The following LRCH2 variants were observed in gnomAD, a reference collection of about 807,000 sequenced individuals.
LRCH2 encodes the protein leucine rich repeats and calponin homology domain containing 2, also known as leucine-rich repeat and calponin homology domain-containing protein 2.
In LRCH2, 38 loss-of-function variants were observed where a neutral mutation model predicts 68.9. That is an observed-to-expected ratio of 0.55 (90% CI 0.43 to 0.72). The LOEUF (loss-of-function observed/expected upper bound fraction) is 0.72, where lower values mean the gene tolerates loss of function less well. Among genes scored for constraint, LRCH2 ranks in the 30% least tolerant of loss-of-function variants. The pLI is 0.00. For missense variants in LRCH2, 528 were observed against 572.9 expected (o/e 0.92, Z 0.80); for synonymous variants, 191 against 208.1 (o/e 0.92, Z 0.71).
intron 1 of LRCH2, among the ~76,000 whole-genome samples, chrX:115,188,615 G>C (rs1396690262): frequency 2.7e-5 from 3 of 111,981 alleles, no homozygotes; most frequent in Non-Finnish European, 5.6e-5. Flanking sequence ...CAGATCTTTT[G>C]AGCTCAGGAG....
At chrX:115,127,571 C>G (rs2072210108) in intron 15 of LRCH2, among the ~76,000 whole-genome samples, 1 of 110,915 alleles carries the variant, frequency 9.0e-6, no homozygotes, top group Non-Finnish European at 1.9e-5. Context: ...TTAATGTATA[C>G]AGGTAATACA....
chrX:115,192,421 T>G (rs2072848820), intron 1 of LRCH2: 1 of 1,165,088 alleles, frequency 8.6e-7, no homozygotes, highest in African/African-American at 1.8e-5. Context: ...GCCTGACGCC[T>G]ACAGCGGCGA....
chrX:115,171,821 A>C (rs1208800972), intron 5 of LRCH2, among the ~76,000 whole-genome samples: 3 of 109,206 alleles, frequency 2.7e-5, no homozygotes, highest in Non-Finnish European at 5.7e-5. Flanking sequence ...ATGAAATTAC[A>C]GGCACACACC....
At chrX:115,209,284 C>G (rs1386070896) in intron 1 of LRCH2, among the ~76,000 whole-genome samples, 1 of 112,356 alleles carries the variant, frequency 8.9e-6, no homozygotes, top group Non-Finnish European at 1.9e-5. Context: ...TCACCAAAAT[C>G]TCATCTTGAA....
At chrX:115,182,004 A>G (rs1484508676) in intron 3 of LRCH2, among the ~76,000 whole-genome samples, 2 of 111,224 alleles carry the variant, frequency 1.8e-5, no homozygotes, top group Non-Finnish European at 3.8e-5. Context: ...CAGCATTTAC[A>G]CTGTATTAGG....
chrX:115,132,923 A>T (rs1479302614), intron 14 of LRCH2, among the ~76,000 whole-genome samples: 1 of 111,894 alleles, frequency 8.9e-6, no homozygotes, highest in Non-Finnish European at 1.9e-5. Flanking sequence ...TGAGCAGACC[A>T]GATTCTGCTT....
At chrX:115,231,661 A>C (rs1346561119) in intron 1 of LRCH2, among the ~76,000 whole-genome samples, 5 of 112,289 alleles carry the variant, frequency 4.5e-5, no homozygotes, top group African/African-American at 1.6e-4. Context: ...CTTTGTGTTG[A>C]AGCTTGCCTC....
Position 115,233,748 on chromosome X carries a change from C to G in LRCH2, c.294G>C (p.Arg98=), listed in dbSNP as rs2073168619. The G allele has an allele frequency of 1.2e-5, 14 of 1,182,557 alleles. No homozygotes were observed. Among genetic ancestry groups the G allele is most frequent in the Middle Eastern group, 4.7e-4 (2 of 4,231 alleles). ...CGCTGCCCGGGAAGTCTCGGAGTTT[C>G]CGACCACTGAGGCTCAGGATGCCGG... The part of the protein sequence containing the change: ...GSSGILSLSG[R]KLRDFPGSGY... Residue 98 remains arginine (R), a synonymous_variant, in exon 1 of 21, where the codon CGG becomes CGC. Transcript: ENST00000317135.
intron 1 of LRCH2, among the ~76,000 whole-genome samples, chrX:115,203,200 G>T (rs2072942002): frequency 9.0e-6 from 1 of 111,555 alleles, no homozygotes; most frequent in Admixed American, 9.5e-5. Flanking sequence ...GATCTTGTAA[G>T]AACTCACTCA....
At chrX:115,202,956 A>C (rs1436131063) in intron 1 of LRCH2, among the ~76,000 whole-genome samples, 1 of 111,713 alleles carries the variant, frequency 9.0e-6, no homozygotes, top group Non-Finnish European at 1.9e-5. Flanking sequence ...ATTTGGGAGG[A>C]AAAGAGGGAA....
intron 3 of LRCH2, among the ~76,000 whole-genome samples, chrX:115,181,092 A>G (rs1556552445): frequency 8.9e-6 from 1 of 111,742 alleles, no homozygotes; most frequent in Non-Finnish European, 1.9e-5. Context: ...AATATATAAG[A>G]AAGGAATATT....
rs1556557251 is a variant in LRCH2, at chrX:115,190,468, G to A, written c.350-2098C>T. 3.4e-6 allele frequency: 4 copies of A among 1,167,759 alleles called. No homozygotes were observed. The Admixed American group carries it at 1.0e-4, about 30-fold the overall frequency. ...CAACTCGCCCGATGCCTGCAGTGAA[G>A]GCCGCTCGTCCGAGGCCTTGCCAGT... On this transcript the variant is annotated intron_variant, in intron 1 of 20. Coordinates refer to ENST00000317135, the MANE Select transcript of LRCH2 (RefSeq NM_020871.4).
chrX:115,146,722 A>T (rs371176387), intron 14 of LRCH2, among the ~76,000 whole-genome samples: 20 of 110,190 alleles, frequency 1.8e-4, no homozygotes, highest in African/African-American at 6.3e-4. Context: ...TAAAAGAGTC[A>T]ATGTAACTTT....
At chrX:115,219,481 G>A (rs2073064394) in intron 1 of LRCH2, among the ~76,000 whole-genome samples, 1 of 111,568 alleles carries the variant, frequency 9.0e-6, no homozygotes, top group African/African-American at 3.3e-5. Flanking sequence ...CATCAGCACG[G>A]CGGCAGCTGC....
rs782729732 is a variant in LRCH2 at position 115,189,833 on chromosome X, G to A, written c.350-1463C>T. 4.8e-4 allele frequency: 564 copies of A among 1,166,285 alleles called. No homozygotes were observed. The highest frequency in any genetic ancestry group is 5.9e-4 in the Non-Finnish European group (517 of 872,872). ...TCTCAGGGCAGGCCTGATGACGGCC[G>A]CGGCTACGCGGGGTATTTCGACCTG... is the stretch of plus-strand genomic sequence containing the variant. On this transcript the variant is annotated intron_variant, in intron 1 of 20. Transcript: ENST00000317135.
At chrX:115,226,881 A>C (rs978567615) in intron 1 of LRCH2, among the ~76,000 whole-genome samples, 2 of 111,329 alleles carry the variant, frequency 1.8e-5, no homozygotes, top group African/African-American at 6.5e-5. Flanking sequence ...CAATCCTCCA[A>C]CTTCTTTATA....
chrX:115,117,499 T>G (rs1288483094), intron 20 of LRCH2, among the ~76,000 whole-genome samples: 1 of 111,781 alleles, frequency 8.9e-6, no homozygotes, highest in South Asian at 3.7e-4. Flanking sequence ...CAAATGTTCA[T>G]AGCAGCTTTA....
chrX:115,232,282 AG>A (rs1425169974), intron 1 of LRCH2, among the ~76,000 whole-genome samples: 2 of 110,330 alleles, frequency 1.8e-5, no homozygotes, highest in African/African-American at 3.3e-5. Context: ...GAAGAAGAAA[AG>A]AAAAAAATCA....
In LRCH2 at chrX:115,118,247, T is replaced by C. The variant is rs1055855665; in HGVS notation, c.2178+4280A>G. 3.1e-4 allele frequency among the ~76,000 whole-genome samples: 33 copies of C among 107,673 alleles called. 1 individual carries two copies. The highest frequency in any genetic ancestry group is 1.3e-4 in the Non-Finnish European group (7 of 51,880). 93.5% of individuals were successfully genotyped at this position (107,673 alleles called of 115,157 possible). ...TCCAGGAGCTGGTTTTTTGAAAGGA[T>C]CAACAAAATTGATAAACCGCTAGCA... On this transcript the variant is annotated intron_variant, in intron 20 of 20. Transcript: ENST00000317135.
Sources: gnomAD v4.1 joint callset for allele counts (sites outside exome capture counted in the v4.1 genomes callset) on GRCh38, gnomAD v4.1.1 for gene constraint, MANE v1.5 for transcripts, NCBI Gene and HGNC (gene_info 2026-07-23, HGNC 2026-07-21) for gene names.